HIVEP2: variants seen among roughly 807,000 people sequenced by gnomAD.
The protein encoded by HIVEP2 is transcription factor HIVEP2.
HIVEP2 carries 14 observed loss-of-function variants against 180.7 expected under a neutral mutation model. The ratio of observed to expected loss-of-function variants is 0.08; its 90% CI spans 0.05 to 0.12. The LOEUF is 0.12. Ranked by LOEUF, HIVEP2 falls within the 10% of genes least tolerant of loss-of-function variation. The probability of loss-of-function intolerance (pLI) is 1.00; values close to 1 mark genes in which losing one functional copy is unlikely to be tolerated. For synonymous variants in HIVEP2, 1,184 were observed against 1,136.4 expected (o/e 1.04, Z -0.84); for missense variants, 2,579 against 3,008.5 (o/e 0.86, Z 3.34).
At chr6:142,863,285 A>G (rs184225460) in intron 1 of HIVEP2, among the ~76,000 whole-genome samples, 1 of 151,818 alleles carries the variant, frequency 6.6e-6, no homozygotes, top group East Asian at 1.9e-4. Context: ...TACCAGTTAT[A>G]GTAGTTTGTG....
Position 142,774,585 on chromosome 6 carries a change from G to C in HIVEP2, c.154C>G (p.Pro52Ala). ...HEGQRQPQIE[P>A]EQIGNTASAQ... ...GATGCTGTGTTTCCGATTTGCTCAG[G>C]CTCTATTTGTGGTTGCCGCTGTCCT... The change falls in exon 5 of 10, where the codon CCT becomes GCT. Residue 52 changes from proline to alanine, a missense_variant. This residue lies in a region of HIVEP2 where 207 missense variants were observed against 210.1 expected (regional missense o/e 0.99). Coordinates refer to ENST00000367603, the MANE Select transcript of HIVEP2 (RefSeq NM_006734.4). The surrounding 1 kb of genome is among the most constrained non-coding windows in gnomAD (Gnocchi z 5.1). 5 of 1,614,170 alleles carry C rather than the reference G, an allele frequency of 3.1e-6. No individual in the cohort carries two copies. Among genetic ancestry groups the C allele is most frequent in the Non-Finnish European group, 4.2e-6 (5 of 1,180,034 alleles).
intron 3 of HIVEP2, among the ~76,000 whole-genome samples, chr6:142,777,513 T>TG (rs1424526714): frequency 1.3e-5 from 2 of 151,368 alleles, no homozygotes; most frequent in Non-Finnish European, 2.9e-5. Context: ...CCAGGCGTGG[T>TG]GGTGCATGCC....
At chr6:142,881,870 T>C (rs900347001) in intron 1 of HIVEP2, among the ~76,000 whole-genome samples, 5 of 152,118 alleles carry the variant, frequency 3.3e-5, no homozygotes, top group African/African-American at 9.7e-5. Context: ...TGACATCTTG[T>C]TATAGAAATC....
Position 142,773,693 on chromosome 6 carries a change from A to C in HIVEP2, c.1046T>G (p.Met349Arg). 2 of 1,614,184 alleles carry C rather than the reference A, an allele frequency of 1.2e-6. No homozygotes were observed. Among genetic ancestry groups the C allele is most frequent in the African/African-American group, 2.7e-5 (2 of 75,054 alleles). ...NESSQYIGPD[M>R]LPNPSLNTKA... The stretch of plus-strand genomic sequence containing the variant: ...AGTATTTAAAGATGGATTTGGTAGC[A>C]TATCAGGGCCAATATACTGAGAGCT... The change falls in exon 5 of 10, where the codon ATG (methionine) becomes AGG (arginine). Residue 349 changes from methionine (M) to arginine (R), a missense_variant. By Grantham distance (91) the Met-to-Arg change is moderately conservative. This residue lies in a region of HIVEP2 where 142 missense variants were observed against 135.2 expected (regional missense o/e 1.05). Coordinates refer to ENST00000367603, the MANE Select transcript of HIVEP2 (RefSeq NM_006734.4).
intron 2 of HIVEP2, among the ~76,000 whole-genome samples, chr6:142,798,960 C>G (rs193061582): frequency 9.8e-4 from 149 of 152,200 alleles, no homozygotes; most frequent in African/African-American, 3.5e-3. Flanking sequence ...TTTCCAGAAG[C>G]TATAAATACA....
At chr6:142,944,248 T>C (rs1196726761) in intron 1 of HIVEP2, among the ~76,000 whole-genome samples, 3 of 151,966 alleles carry the variant, frequency 2.0e-5, no homozygotes, top group East Asian at 3.9e-4. Flanking sequence ...TTTTCTCATG[T>C]CCTCTGCTGC....
rs9373366 is a variant in HIVEP2, at chr6:142,895,497, T to C, written c.-641+49602A>G. On this transcript the variant is annotated intron_variant, in intron 1 of 9. Transcript: ENST00000367603. Reference sequence around the variant, plus strand: ...ATCTCCAGGGCTGGGGCTCCAAATCTACATTTTTTCAGCAAGTTGCCAAGG... The same window carrying C: ...ATCTCCAGGGCTGGGGCTCCAAATCCACATTTTTTCAGCAAGTTGCCAAGG... 9.0e-3 allele frequency among the ~76,000 whole-genome samples: 1,373 copies of C among 152,296 alleles called. 85 individuals are homozygous for C. The East Asian group carries it at 0.17, about 19-fold the overall frequency.
chr6:142,889,111 A>G (rs1776787939), intron 1 of HIVEP2, among the ~76,000 whole-genome samples: 1 of 152,192 alleles, frequency 6.6e-6, no homozygotes, highest in African/African-American at 2.4e-5. Context: ...TCCAGCTCTC[A>G]GCAGAGTACC....
intron 6 of HIVEP2, among the ~76,000 whole-genome samples, 155 bp downstream of exon 6, chr6:142,768,227 G>A (rs1775422155): frequency 6.6e-6 from 1 of 152,140 alleles, no homozygotes; most frequent in Non-Finnish European, 1.5e-5. Flanking sequence ...ATGAACTTAT[G>A]ATCTATTACC....
chr6:142,911,593 G>C (rs1365100859), intron 1 of HIVEP2, among the ~76,000 whole-genome samples: 1 of 152,042 alleles, frequency 6.6e-6, no homozygotes, highest in Non-Finnish European at 1.5e-5. Flanking sequence ...TTTTTGCAGG[G>C]TTCTTATTAT....
At chr6:142,915,441 T>G (rs1347977440) in intron 1 of HIVEP2, among the ~76,000 whole-genome samples, 3 of 152,044 alleles carry the variant, frequency 2.0e-5, no homozygotes, top group African/African-American at 7.2e-5. Flanking sequence ...ACAGAACAGA[T>G]TTCCCCTCAC....
chr6:142,837,393 T>C (rs1222368688), intron 1 of HIVEP2, among the ~76,000 whole-genome samples: 2 of 152,070 alleles, frequency 1.3e-5, no homozygotes, highest in African/African-American at 4.8e-5. Context: ...GCTTTGGAAT[T>C]ATACTCATTG....
chr6:142,906,710 G>C (rs1454806836), intron 1 of HIVEP2, among the ~76,000 whole-genome samples: 1 of 151,928 alleles, frequency 6.6e-6, no homozygotes, highest in Non-Finnish European at 1.5e-5. Context: ...ATCAGAATAT[G>C]GTAATATGCA....
rs183112094 is a variant in HIVEP2 at position 142,817,875 on chromosome 6, A to G, written c.-528+19060T>C. ...ACAAAAATTAGCTGGGCCTGGTGGC[A>G]CATGCCTGTAATCCCAGCTACCCGG... On this transcript the variant is annotated intron_variant, in intron 2 of 9. Transcript: ENST00000367603. 3.3e-5 allele frequency among the ~76,000 whole-genome samples: 5 copies of G among 152,096 alleles called. No homozygotes were observed. In the East Asian group the frequency reaches 7.7e-4, roughly 24 times the overall value.
At chr6:142,789,233 T>C (rs898594068) in intron 2 of HIVEP2, among the ~76,000 whole-genome samples, 2 of 152,232 alleles carry the variant, frequency 1.3e-5, no homozygotes, top group Admixed American at 1.3e-4. Context: ...CTAACCATAA[T>C]TTAATCTTCC....
At chr6:142,797,588 A>G (rs938477032) in intron 2 of HIVEP2, among the ~76,000 whole-genome samples, 5 of 152,084 alleles carry the variant, frequency 3.3e-5, no homozygotes, top group African/African-American at 1.2e-4. Context: ...CTTATTCCCA[A>G]TTTTGCTTTC....
intron 1 of HIVEP2, among the ~76,000 whole-genome samples, chr6:142,862,243 T>C (rs1483132823): frequency 1.3e-5 from 2 of 152,024 alleles, no homozygotes; most frequent in African/African-American, 4.8e-5. Context: ...ATGTGAAAGA[T>C]AAGTGTCACT....
Position 142,773,832 on chromosome 6 carries a change from G to T in HIVEP2, c.907C>A (p.Leu303Met). The T allele has an allele frequency of 1.2e-6, 2 of 1,613,654 alleles. No homozygotes were observed. Among genetic ancestry groups the T allele is most frequent in the Non-Finnish European group, 1.7e-6 (2 of 1,180,004 alleles). ...TAGCCGCCTCTGCTGGCAATGTCCA[G>T]TGGGATGGGTGGACCAGGACTCATT... The part of the protein sequence containing the change: ...DKMSPGPPIP[L>M]DIASRGGYHG... Residue 303 changes from leucine to methionine, a missense_variant, in exon 5 of 10, where the codon CTG becomes ATG. Physicochemically the swap from Leu to Met is conservative, Grantham distance 15 (BLOSUM62 2). This residue lies in a region of HIVEP2 where 142 missense variants were observed against 135.2 expected (regional missense o/e 1.05). Coordinates refer to ENST00000367603, the MANE Select transcript of HIVEP2 (RefSeq NM_006734.4).
At chr6:142,810,348 C>A (rs748457003) in intron 2 of HIVEP2, among the ~76,000 whole-genome samples, 1 of 152,096 alleles carries the variant, frequency 6.6e-6, no homozygotes, top group Non-Finnish European at 1.5e-5. Flanking sequence ...TCAGTAACCC[C>A]ATACATAGTC....
Sources: allele counts gnomAD v4.1 joint callset (sites outside exome capture counted in the v4.1 genomes callset), GRCh38; gene constraint gnomAD v4.1.1; regional missense constraint gnomAD v4.1.1; non-coding constraint Gnocchi (gnomAD v3.1); transcripts MANE v1.5; gene names NCBI Gene and HGNC (gene_info 2026-07-23, HGNC 2026-07-21).